Variants in HJV observed in about 807,000 individuals in gnomAD.
HJV encodes hemojuvelin.
A neutral mutation model predicts 22.7 loss-of-function variants in HJV; 18 were observed. The ratio of observed to expected loss-of-function variants is 0.79; its 90% CI spans 0.55 to 1.18. The LOEUF (loss-of-function observed/expected upper bound fraction) is 1.18. Ranked by LOEUF, HJV falls within the 50% of genes most tolerant of loss-of-function variation. The probability of loss-of-function intolerance (pLI) is 0.00; values close to 1 mark genes in which losing one functional copy is unlikely to be tolerated. For synonymous variants in HJV, 229 were observed against 222.7 expected (o/e 1.03, Z -0.25); for missense variants, 572 against 553.0 (o/e 1.03, Z -0.34).
At chr1:146,019,132 A>C in intron 3 of HJV, 43 bp downstream of exon 3, 1 of 1,492,740 alleles carries the variant, frequency 6.7e-7, no homozygotes, top group Non-Finnish European at 9.3e-7. Context: ...TGCCCGTGGA[A>C]GAATCTCATG....
Position 146,018,131 on chromosome 1 carries a change from G to A in HJV, c.1227C>T (p.Thr409=), listed in dbSNP as rs782705517. The change falls in exon 4 of 4, where the codon ACC becomes ACT. Residue 409 remains threonine, a synonymous_variant. Transcript: ENST00000336751. ...SDAGVPLSSA[T]LLAPLLSGLF... is the part of the protein sequence containing the mutation. ...GCCCAGAAAGGAGTGGAGCTAAGAGGGTTGCTGAGGAAAGAGGAACCCCAG... is the reference window on the plus strand; with the variant it reads ...GCCCAGAAAGGAGTGGAGCTAAGAGAGTTGCTGAGGAAAGAGGAACCCCAG... 6 of 1,614,154 alleles carry A rather than the reference G, an allele frequency of 3.7e-6. No individual in the cohort carries two copies. In the South Asian group the frequency reaches 5.5e-5, roughly 15 times the overall value.
rs1272177638 is a variant in HJV at position 146,019,384 on chromosome 1, A to C, written c.448T>G (p.Tyr150Asp). Residue 150 changes from tyrosine to aspartate, a missense_variant, in exon 3 of 4, where the codon TAT becomes GAT. Transcript: ENST00000336751. ...TGCAGCCGGGAAAACCGGCCTTCAT[A>C]GTCACAAGGGTCCGGGGCAGGGAGG... ...SGLPAPDPCD[Y>D]EGRFSRLHGR... is the part of the protein sequence containing the mutation. 2 of 1,613,610 alleles carry C rather than the reference A, an allele frequency of 1.2e-6. No homozygotes were observed. The highest frequency in any genetic ancestry group is 1.3e-5 in the African/African-American group (1 of 74,952).
Position 146,020,270 on chromosome 1 carries a change from A to C in HJV, c.-39T>G. On this transcript the variant is annotated 5_prime_UTR_variant, in exon 2 of 4. Coordinates refer to ENST00000336751, the MANE Select transcript of HJV (RefSeq NM_213653.4). ...GGTTTCCCAGGCGCCGGTTCTTCCC[A>C]GCTGATGACCCTCCTACCTAGTGAA... 7.7e-7 allele frequency: 1 copy of C among 1,300,872 alleles called. No individual in the cohort carries two copies. Among genetic ancestry groups the C allele is most frequent in the Non-Finnish European group, 1.1e-6 (1 of 894,224 alleles). 80.6% of individuals were successfully genotyped at this position (1,300,872 alleles called of 1,614,324 possible).
At chr1:146,021,086 T>C (rs1652707131) in intron 1 of HJV, among the ~76,000 whole-genome samples, 1 of 152,150 alleles carries the variant, frequency 6.6e-6, no homozygotes, top group Non-Finnish European at 1.5e-5. Context: ...AACTCCCCTA[T>C]CTTATGGGTA....
At position 146,017,493 on chromosome 1, in the gene HJV, A is replaced by T. The variant is rs1466532512; in HGVS notation, c.*584T>A. ...GATGGTGTGAAGAATTTGTAGCTTT[A>T]ATAACAGATTAGTTAGGGGGTAGGG... On this transcript the variant is annotated 3_prime_UTR_variant, in exon 4 of 4. Coordinates refer to ENST00000336751, the MANE Select transcript of HJV (RefSeq NM_213653.4). The T allele has an allele frequency of 5.8e-6, 1 of 171,616 alleles. No individual in the cohort carries two copies. The highest frequency in any genetic ancestry group is 1.4e-5 in the Non-Finnish European group (1 of 70,776). 10.6% of individuals were successfully genotyped at this position (171,616 alleles called of 1,614,324 possible). A position where few individuals can be genotyped will look rare whatever the true frequency, so the allele number is the denominator to read the frequency against.
At position 146,017,735 on chromosome 1, in the gene HJV, A is replaced by C. The variant is rs909035892; in HGVS notation, c.*342T>G. On this transcript the variant is annotated 3_prime_UTR_variant, in exon 4 of 4. Transcript: ENST00000336751. The stretch of plus-strand genomic sequence containing the variant: ...TCTGCTTTCAGCTCTTGCCTCTTAA[A>C]AATCTCAACCCTTAAATCTTTACTG... The C allele has an allele frequency of 7.2e-6, 2 of 276,040 alleles. No individual in the cohort carries two copies. Among genetic ancestry groups the C allele is most frequent in the Admixed American group, 1.0e-4 (2 of 19,776 alleles). 17.1% of individuals were successfully genotyped at this position (276,040 alleles called of 1,614,324 possible). A position where few individuals can be genotyped will look rare whatever the true frequency, so the allele number is the denominator to read the frequency against.
intron 1 of HJV, 128 bp from the exon 2 acceptor site, chr1:146,020,448 C>G (rs1228250898): frequency 9.5e-6 from 5 of 524,918 alleles, no homozygotes; most frequent in African/African-American, 7.6e-5. Flanking sequence ...ATTGGAGTTC[C>G]TCAAACTATA....
In HJV at chr1:146,020,172, T is replaced by TA. The variant is rs782164742; in HGVS notation, c.59dup (p.Ser21LysfsTer25). On this transcript the variant is annotated frameshift_variant, in exon 2 of 4. Coordinates refer to ENST00000336751, the MANE Select transcript of HJV (RefSeq NM_213653.4). LOFTEE classifies it high-confidence loss of function. ...GGAGCAGCAGGAGAGTGAGAGTGCT[T>TA]AGAGTTGGGGGACTGCCATGGGAGG... is the stretch of plus-strand genomic sequence containing the variant. The TA allele has an allele frequency of 2.5e-5, 41 of 1,612,930 alleles. 2 individuals carry two copies. In the South Asian group the frequency reaches 4.5e-4, roughly 18 times the overall value.
chr1:146,019,998 AT>A, intron 2 of HJV, 136 bp downstream of exon 2: 1 of 814,844 alleles, frequency 1.2e-6, no homozygotes, highest in Non-Finnish European at 2.1e-6. Context: ...GAAATAAAAT[AT>A]TAGTATTTGA....
chr1:146,019,947 C>A (rs1296873296), intron 2 of HJV, among the ~76,000 whole-genome samples, 188 bp downstream of exon 2: 1 of 152,064 alleles, frequency 6.6e-6, no homozygotes, highest in African/African-American at 2.4e-5. Context: ...TTCTGCCTGT[C>A]GACCAAGGGC....
At chr1:146,019,120 G>A (rs1385463473) in intron 3 of HJV, 55 bp downstream of exon 3, 29 of 1,400,024 alleles carry the variant, frequency 2.1e-5, no homozygotes, top group Non-Finnish European at 2.6e-5. Context: ...GGGGAGGAAT[G>A]GTGCCCGTGG....
intron 3 of HJV, 62 bp downstream of exon 3, chr1:146,019,113 G>A: frequency 2.2e-6 from 3 of 1,335,092 alleles, no homozygotes; most frequent in Non-Finnish European, 3.2e-6. Context: ...TGGGGATGGG[G>A]AGGAATGGTG....
Position 146,017,985 on chromosome 1 carries a change from G to T in HJV, c.*92C>A. 7.3e-7 allele frequency: 1 copy of T among 1,378,984 alleles called. No individual in the cohort carries two copies. The highest frequency in any genetic ancestry group is 1.0e-6 in the Non-Finnish European group (1 of 971,754). The allele number at this position is 1,378,984 out of a possible 1,614,324, so 85.4% of individuals were successfully genotyped here. A position where few individuals can be genotyped will look rare whatever the true frequency, so the allele number is the denominator to read the frequency against. ...ATGTCATTGTTTCACGTGTCTCCTA[G>T]GCCCTGCTTCCTTTAATGATTCTTT... On this transcript the variant is annotated 3_prime_UTR_variant, in exon 4 of 4. Transcript: ENST00000336751.
intron 2 of HJV, 51 bp downstream of exon 2, chr1:146,020,084 T>G (rs1456590258): frequency 1.5e-6 from 2 of 1,307,122 alleles, no homozygotes; most frequent in Non-Finnish European, 2.2e-6. Context: ...CACCCCTACA[T>G]AGCAGCCTAC....
intron 3 of HJV, among the ~76,000 whole-genome samples, 195 bp downstream of exon 3, chr1:146,018,980 T>C (rs978395020): frequency 6.6e-6 from 1 of 152,184 alleles, no homozygotes; most frequent in East Asian, 1.9e-4. Context: ...TTTCTGCATT[T>C]GAGTCAAATT....
rs1374782368 is a variant in HJV, at chr1:146,020,348, G to A, written c.-89-28C>T. The stretch of plus-strand genomic sequence containing the variant: ...GAAAAAAGAAATTTGGCTGGACATG[G>A]AGAGAGAGAAGAATTGAAGATTGGT... On this transcript the variant is annotated intron_variant, in intron 1 of 3. Coordinates refer to ENST00000336751, the MANE Select transcript of HJV (RefSeq NM_213653.4). 16 of 745,290 alleles carry A rather than the reference G, an allele frequency of 2.1e-5. 1 individual carries two copies. The highest frequency in any genetic ancestry group is 3.7e-5 in the Non-Finnish European group (15 of 402,902). The allele number at this position is 745,290 out of a possible 1,614,324, so 46.2% of individuals were successfully genotyped here.
rs1427619611 is a variant in HJV at position 146,019,414 on chromosome 1, A to C, written c.418T>G (p.Ser140Ala). The C allele has an allele frequency of 5.0e-6, 8 of 1,612,464 alleles. No homozygotes were observed. The highest frequency in any genetic ancestry group is 2.7e-5 in the African/African-American group (2 of 74,906). ...CAAGGGTCCGGGGCAGGGAGGCCGG[A>C]GCCCGCGCCTGGAAGGGCGGGGCCC... is the stretch of plus-strand genomic sequence containing the variant. The part of the protein sequence containing the change: ...PRGPALPGAG[S>A]GLPAPDPCDY... Residue 140 changes from serine (S) to alanine (A), a missense_variant, in exon 3 of 4, where the codon TCC becomes GCC. Transcript: ENST00000336751.
rs998173001 is a variant in HJV, at chr1:146,017,974, C to T, written c.*103G>A. The T allele has an allele frequency of 1.3e-5, 16 of 1,253,064 alleles. No individual in the cohort carries two copies. Among genetic ancestry groups the T allele is most frequent in the South Asian group, 3.8e-5 (3 of 79,240 alleles). 77.6% of individuals were successfully genotyped at this position (1,253,064 alleles called of 1,614,324 possible). A position where few individuals can be genotyped will look rare whatever the true frequency, so the allele number is the denominator to read the frequency against. ...GACTCTGGATAATGTCATTGTTTCA[C>T]GTGTCTCCTAGGCCCTGCTTCCTTT... On this transcript the variant is annotated 3_prime_UTR_variant, in exon 4 of 4. Coordinates refer to ENST00000336751, the MANE Select transcript of HJV (RefSeq NM_213653.4).
intron 1 of HJV, among the ~76,000 whole-genome samples, chr1:146,020,703 C>T (rs1468250958): frequency 6.6e-6 from 1 of 152,164 alleles, no homozygotes; most frequent in African/African-American, 2.4e-5. Context: ...ATTTCAGAAA[C>T]ATACTTCTTA....
Sources: allele counts gnomAD v4.1 joint callset (sites outside exome capture counted in the v4.1 genomes callset), GRCh38; gene constraint gnomAD v4.1.1; transcripts MANE v1.5; gene names NCBI Gene and HGNC (gene_info 2026-07-23, HGNC 2026-07-21).